BPTF: variants seen among roughly 807,000 people sequenced by gnomAD.
BPTF encodes the protein bromodomain PHD finger transcription factor.
BPTF carries 18 observed loss-of-function variants against 292.5 expected under a neutral mutation model. The observed-to-expected ratio is 0.06, with a 90% CI of 0.04 to 0.09. The LOEUF is 0.09. Ranked by LOEUF, BPTF falls within the 10% of genes least tolerant of loss-of-function variation. The probability of loss-of-function intolerance (pLI) is 1.00; values close to 1 mark genes in which losing one functional copy is unlikely to be tolerated. For missense variants in BPTF, 2,726 were observed against 3,498.7 expected, an observed-to-expected ratio of 0.78 and a Z score of 5.57; for synonymous variants, 1,225 against 1,251.9, an observed-to-expected ratio of 0.98 and a Z score of 0.45.
At chr17:67,869,721 C>T (rs1342807307) in intron 3 of BPTF, among the ~76,000 whole-genome samples, 2 of 151,604 alleles carry the variant, frequency 1.3e-5, no homozygotes, top group South Asian at 2.1e-4. Context: ...CAGTGGCTCA[C>T]GCCTGTAATC....
At chr17:67,963,394 G>C (rs2067703054) in intron 24 of BPTF, 1 of 1,535,848 alleles carries the variant, frequency 6.5e-7, no homozygotes, top group Admixed American at 2.0e-5. Context: ...TGGCATCACA[G>C]AAAAGGAGGC....
chr17:67,829,280 A>C (rs2056423736), intron 1 of BPTF, among the ~76,000 whole-genome samples: 2 of 149,800 alleles, frequency 1.3e-5, no homozygotes, highest in Admixed American at 1.3e-4. Context: ...GTTAATTTGG[A>C]TGCTTTACCT....
At chr17:67,919,628 T>C (rs768562224) in intron 12 of BPTF, among the ~76,000 whole-genome samples, 1 of 152,220 alleles carries the variant, frequency 6.6e-6, no homozygotes, top group Non-Finnish European at 1.5e-5. Context: ...GTTCAGATTA[T>C]AAAGTGAGTC....
At chr17:67,881,584 A>G (rs1598405606) in intron 4 of BPTF, among the ~76,000 whole-genome samples, 1 of 140,000 alleles carries the variant, frequency 7.1e-6, no homozygotes, top group Non-Finnish European at 1.5e-5. Flanking sequence ...GCTTACTGCA[A>G]CCTCCGCCTC....
chr17:67,902,989 A>G lies in BPTF; in HGVS notation c.2544-800A>G, dbSNP rs530388937. Among the ~76,000 whole-genome samples the G allele has an allele frequency of 2.0e-5, 3 of 152,306 alleles. No homozygotes were observed. In the South Asian group the frequency reaches 6.2e-4, roughly 32 times the overall value. ...ATAAAAATCTAGTCTAATCCCCTAA[A>G]TGTAGAGCCTCACCACAGTCTTTAC... is the stretch of plus-strand genomic sequence containing the variant. On this transcript the variant is annotated intron_variant, in intron 7 of 27. Coordinates refer to ENST00000306378, the MANE Select transcript of BPTF (RefSeq NM_182641.4).
chr17:67,856,662 C>T (rs2058709446), intron 2 of BPTF, among the ~76,000 whole-genome samples: 1 of 152,134 alleles, frequency 6.6e-6, no homozygotes. Flanking sequence ...AGAGTAAGCT[C>T]TAGAGGAGCA....
At chr17:67,923,669 G>A (rs1304387695) in intron 14 of BPTF, among the ~76,000 whole-genome samples, 2 of 149,662 alleles carry the variant, frequency 1.3e-5, no homozygotes, top group African/African-American at 2.5e-5. Context: ...TAGTAGAGAC[G>A]GGGTTTCACC....
chr17:67,975,334 A>G (rs2069278268), intron 26 of BPTF: 1 of 153,128 alleles, frequency 6.5e-6, no homozygotes, highest in Non-Finnish European at 1.5e-5. Flanking sequence ...AATAAAGCAA[A>G]ATGATGTTAT....
intron 21 of BPTF, among the ~76,000 whole-genome samples, chr17:67,947,391 C>G (rs1340489133): frequency 6.6e-6 from 1 of 152,010 alleles, no homozygotes; most frequent in African/African-American, 2.4e-5. Context: ...GAAGGATAGC[C>G]AGGTTAAAAT....
chr17:67,976,118 C>A, intron 27 of BPTF, 160 bp downstream of exon 27: 2 of 539,492 alleles, frequency 3.7e-6, no homozygotes, highest in Non-Finnish European at 5.9e-6. Context: ...TGATCTACTG[C>A]CAAGGAGAAG....
intron 13 of BPTF, among the ~76,000 whole-genome samples, chr17:67,921,443 T>G (rs1438572482): frequency 6.6e-6 from 1 of 151,790 alleles, no homozygotes; most frequent in East Asian, 1.9e-4. Context: ...GGAGAATCAC[T>G]TATACCCAGG....
chr17:67,963,569 C>T, intron 24 of BPTF: 2 of 1,293,844 alleles, frequency 1.5e-6, no homozygotes, highest in Non-Finnish European at 2.0e-6. Context: ...TGACTGGTTA[C>T]TTATTTATTT....
chr17:67,831,142 C>T (rs2056631870), intron 1 of BPTF, among the ~76,000 whole-genome samples: 1 of 152,128 alleles, frequency 6.6e-6, no homozygotes, highest in Non-Finnish European at 1.5e-5. Flanking sequence ...GATGGATTGA[C>T]AAGGACGAGA....
Position 67,928,381 on chromosome 17 carries a change from A to G in BPTF, c.5778A>G (p.Thr1926=). The change falls in exon 16 of 28, where the codon ACA becomes ACG. Residue 1926 remains threonine, a synonymous_variant. Transcript: ENST00000306378. The stretch of plus-strand genomic sequence containing the variant: ...AACGACTGGAGCAGCAGAAGCCGAC[A>G]GTGATTGCAACTTCCACTACTTCCC... ...AKKRLEQQKP[T]VIATSTTSPT... is the part of the protein sequence containing the mutation. 6.2e-7 allele frequency: 1 copy of G among 1,613,446 alleles called. No homozygotes were observed. Among genetic ancestry groups the G allele is most frequent in the East Asian group, 2.2e-5 (1 of 44,870 alleles).
chr17:67,963,433 G>A, intron 24 of BPTF: 1 of 1,536,200 alleles, frequency 6.5e-7, no homozygotes, highest in Non-Finnish European at 8.7e-7. Flanking sequence ...CATCTGTAAT[G>A]ATTGTAAACG....
chr17:67,826,932 T>G (rs2056124224), intron 1 of BPTF, among the ~76,000 whole-genome samples: 1 of 152,184 alleles, frequency 6.6e-6, no homozygotes, highest in Non-Finnish European at 1.5e-5. Context: ...GAACCTTATC[T>G]GGTCCTGTGT....
chr17:67,898,137 A>G (rs1598500115), intron 7 of BPTF, among the ~76,000 whole-genome samples: 1 of 152,200 alleles, frequency 6.6e-6, no homozygotes, highest in South Asian at 2.1e-4. Flanking sequence ...TGGAAGGCCA[A>G]GGCGAGTGGA....
intron 26 of BPTF, among the ~76,000 whole-genome samples, chr17:67,969,472 AAAAGAG>A (rs1433672043): frequency 6.7e-6 from 1 of 150,218 alleles, no homozygotes; most frequent in Non-Finnish European, 1.5e-5. Flanking sequence ...AAAAAAAAAA[AAAAGAG>A]ATAGCCATTG....
chr17:67,949,606 T>TATATATACACACACAC (rs1216313972), intron 23 of BPTF, among the ~76,000 whole-genome samples: 2 of 150,814 alleles, frequency 1.3e-5, no homozygotes, highest in Admixed American at 6.7e-5. Context: ...TATTTATACA[T>TATATATACACACACAC]ATATATACAC....
Sources: allele counts gnomAD v4.1 joint callset (sites outside exome capture counted in the v4.1 genomes callset), GRCh38; gene constraint gnomAD v4.1.1; transcripts MANE v1.5; gene names NCBI Gene and HGNC (gene_info 2026-07-23, HGNC 2026-07-21).